DMD: variants seen among roughly 807,000 people sequenced by gnomAD.
DMD encodes mutant dystrophin.
In DMD, 63 loss-of-function variants were observed where a neutral mutation model predicts 330.1. That is an observed-to-expected ratio of 0.19 (90% CI 0.16 to 0.24). The LOEUF is 0.24. DMD is among the 10% of genes least tolerant of loss of function. The pLI is 1.00. For missense variants in DMD, 3,344 were observed against 2,684.1 expected (o/e 1.25, Z -5.43); for synonymous variants, 1,223 against 959.8 (o/e 1.27, Z -5.07).
intron 6 of DMD, among the ~76,000 whole-genome samples, chrX:32,811,058 C>T (rs181220103): frequency 5.4e-4 from 59 of 110,087 alleles, no homozygotes; most frequent in Middle Eastern, 9.3e-3. Context: ...GCTGGCCAGG[C>T]ACCTTGGCTC....
chrX:31,908,336 C>G, intron 47 of DMD, among the ~76,000 whole-genome samples: 1 of 111,663 alleles, frequency 9.0e-6, no homozygotes, highest in Non-Finnish European at 1.9e-5. Context: ...CAGTGATAGA[C>G]TGGATTAAGA....
chrX:32,177,484 T>C lies in DMD; in HGVS notation c.6438+39432A>G, dbSNP rs142705527. Among the ~76,000 whole-genome samples, 154 of 112,213 alleles carry C rather than the reference T, an allele frequency of 1.4e-3. 1 individual carries two copies. In the East Asian group the frequency reaches 0.037, roughly 27 times the overall value. ...GCTTAGCTCTTTAAATGTGGTACTCTGCATAGAAAAATTTCCACCACCTTC... is the reference window on the plus strand; with the variant it reads ...GCTTAGCTCTTTAAATGTGGTACTCCGCATAGAAAAATTTCCACCACCTTC... On this transcript the variant is annotated intron_variant, in intron 44 of 78. Coordinates refer to ENST00000357033, the MANE Select transcript of DMD (RefSeq NM_004006.3).
At chrX:31,165,141 A>G (rs1325812752) in intron 74 of DMD, among the ~76,000 whole-genome samples, 2 of 112,189 alleles carry the variant, frequency 1.8e-5, no homozygotes, top group Admixed American at 9.4e-5. Flanking sequence ...GTCAATTACA[A>G]AGTAAAGCAA....
intron 1 of DMD, among the ~76,000 whole-genome samples, chrX:33,333,993 C>T (rs900092394): frequency 9.0e-6 from 1 of 110,809 alleles, no homozygotes; most frequent in African/African-American, 3.3e-5. Flanking sequence ...AAGAAAATTC[C>T]ACTCACTTTA....
chrX:31,465,396 G>A (rs561730448), intron 59 of DMD, among the ~76,000 whole-genome samples: 1 of 109,857 alleles, frequency 9.1e-6, no homozygotes, highest in Non-Finnish European at 1.9e-5. Flanking sequence ...TGATGTTCCC[G>A]TCCCTGTGTC....
intron 11 of DMD, among the ~76,000 whole-genome samples, chrX:32,642,802 C>T (rs1164389904): frequency 9.0e-6 from 1 of 110,897 alleles, no homozygotes; most frequent in Non-Finnish European, 1.9e-5. Flanking sequence ...AGCATTTAGC[C>T]TCCAGGAGAG....
chrX:31,641,224 G>A (rs774597741), intron 54 of DMD, among the ~76,000 whole-genome samples: 16 of 110,955 alleles, frequency 1.4e-4, no homozygotes, highest in Non-Finnish European at 2.7e-4. Context: ...AGGAGGGATC[G>A]GCCATGGTGG....
In DMD at chrX:31,863,741, C is replaced by A. The variant is rs761616003; in HGVS notation, c.7098+11447G>T. On this transcript the variant is annotated intron_variant, in intron 48 of 78. Coordinates refer to ENST00000357033, the MANE Select transcript of DMD (RefSeq NM_004006.3). ...CTCAATCTAGAGAATTTTAAAAATACTTAGAGCCTTGTAGTCACAGGAAAT... is the reference window on the plus strand; with the variant it reads ...CTCAATCTAGAGAATTTTAAAAATAATTAGAGCCTTGTAGTCACAGGAAAT... 8.1e-5 allele frequency among the ~76,000 whole-genome samples: 9 copies of A among 111,117 alleles called. 1 individual carries two copies. In the South Asian group the frequency reaches 3.4e-3, roughly 42 times the overall value.
At chrX:31,356,322 G>A (rs1316857714) in intron 60 of DMD, among the ~76,000 whole-genome samples, 2 of 110,678 alleles carry the variant, frequency 1.8e-5, no homozygotes, top group African/African-American at 3.3e-5. Flanking sequence ...TTTCTGTGCT[G>A]ACTTCTTTCT....
At chrX:31,850,022 T>G (rs1403382258) in intron 48 of DMD, among the ~76,000 whole-genome samples, 1 of 111,009 alleles carries the variant, frequency 9.0e-6, no homozygotes, top group Non-Finnish European at 1.9e-5. Flanking sequence ...CATTAGTTAT[T>G]TTTTCTGGTT....
At chrX:33,062,676 C>T (rs2094596523) in intron 1 of DMD, among the ~76,000 whole-genome samples, 1 of 111,265 alleles carries the variant, frequency 9.0e-6, no homozygotes, top group African/African-American at 3.3e-5. Flanking sequence ...GGGGTTTCAC[C>T]ACGTTGGCCA....
At chrX:31,372,659 G>C (rs1243649650) in intron 60 of DMD, among the ~76,000 whole-genome samples, 1 of 111,460 alleles carries the variant, frequency 9.0e-6, no homozygotes, top group Non-Finnish European at 1.9e-5. Context: ...ATTAGGTATT[G>C]ATGGGACATA....
chrX:31,383,365 G>A (rs1392806578), intron 60 of DMD, among the ~76,000 whole-genome samples: 1 of 112,376 alleles, frequency 8.9e-6, no homozygotes, highest in Non-Finnish European at 1.9e-5. Context: ...ACACGGACGC[G>A]AGTGAAAGTT....
chrX:31,584,973 G>GT (rs749719018), intron 55 of DMD, among the ~76,000 whole-genome samples: 13 of 107,101 alleles, frequency 1.2e-4, no homozygotes, highest in African/African-American at 2.7e-4. Context: ...GCCAGAATAA[G>GT]TTTTTTTTTT....
intron 47 of DMD, among the ~76,000 whole-genome samples, chrX:31,912,447 G>C (rs949964888): frequency 9.9e-5 from 11 of 111,512 alleles, no homozygotes; most frequent in African/African-American, 3.3e-4. Context: ...CAGGGAAAAT[G>C]CTTCCACAAC....
intron 53 of DMD, among the ~76,000 whole-genome samples, chrX:31,666,964 G>A (rs1236103674): frequency 8.9e-6 from 1 of 112,212 alleles, no homozygotes; most frequent in Non-Finnish European, 1.9e-5. Context: ...ATGACATGCA[G>A]ATATACTTTT....
At chrX:31,436,870 T>C (rs780695237) in intron 60 of DMD, among the ~76,000 whole-genome samples, 1 of 112,213 alleles carries the variant, frequency 8.9e-6, no homozygotes, top group Non-Finnish European at 1.9e-5. Context: ...ATTCCTAATA[T>C]CAACAAATCC....
At chrX:33,163,691 G>A (rs2048917421) in intron 1 of DMD, among the ~76,000 whole-genome samples, 1 of 97,337 alleles carries the variant, frequency 1.0e-5, no homozygotes, top group South Asian at 4.5e-4. Context: ...GCTCAGAATT[G>A]CATTCCTCTC....
intron 52 of DMD, among the ~76,000 whole-genome samples, chrX:31,709,672 T>C (rs931136075): frequency 1.7e-4 from 19 of 109,388 alleles, no homozygotes; most frequent in African/African-American, 6.3e-4. Flanking sequence ...AAGTTTATTA[T>C]GCTATTTTCA....
Sources: gnomAD v4.1 joint callset for allele counts (sites outside exome capture counted in the v4.1 genomes callset) on GRCh38, gnomAD v4.1.1 for gene constraint, MANE v1.5 for transcripts, NCBI Gene and HGNC (gene_info 2026-07-23, HGNC 2026-07-21) for gene names.